GREB1L: variants seen among roughly 807,000 people sequenced by gnomAD.
GREB1L encodes the protein GREB1-like protein.
GREB1L carries 17 observed loss-of-function variants against 200.8 expected under a neutral mutation model. The observed-to-expected ratio is 0.08, with a 90% CI of 0.06 to 0.13. The LOEUF is 0.13. Ranked by LOEUF, GREB1L falls within the 10% of genes least tolerant of loss-of-function variation. The pLI is 1.00. For missense variants in GREB1L, 1,657 were observed against 2,367.7 expected (o/e 0.70, Z 6.23); for synonymous variants, 789 against 893.0 (o/e 0.88, Z 2.08).
chr18:21,246,374 C>G (rs1357947313), intron 1 of GREB1L, among the ~76,000 whole-genome samples: 5 of 152,214 alleles, frequency 3.3e-5, no homozygotes, highest in Non-Finnish European at 5.9e-5. Flanking sequence ...TCTAAAAGGA[C>G]TATATAAATT....
intron 17 of GREB1L, among the ~76,000 whole-genome samples, chr18:21,479,670 C>T (rs1374101712): frequency 1.3e-5 from 2 of 150,644 alleles, no homozygotes; most frequent in Admixed American, 6.6e-5. Flanking sequence ...CATAGCAAGA[C>T]CCTGTCTCAA....
chr18:21,323,007 G>T (rs2144938434), intron 1 of GREB1L, among the ~76,000 whole-genome samples: 1 of 152,148 alleles, frequency 6.6e-6, no homozygotes, highest in South Asian at 2.1e-4. Context: ...TGTATTGGCT[G>T]GGCACAGTGG....
chr18:21,449,620 G>C lies in GREB1L; in HGVS notation c.1504G>C (p.Val502Leu). 1 of 1,551,394 alleles carries C rather than the reference G, an allele frequency of 6.4e-7. No individual in the cohort carries two copies. The highest frequency in any genetic ancestry group is 1.7e-4 in the Middle Eastern group (1 of 5,990). The change falls in exon 12 of 33, where the codon GTG becomes CTG. Residue 502 changes from valine to leucine, a missense_variant. This residue lies in a region of GREB1L where 289 missense variants were observed against 345.1 expected (regional missense o/e 0.84). Coordinates refer to ENST00000424526, the MANE Select transcript of GREB1L (RefSeq NM_001142966.3). ...ALQIGAQCVPVSPGQLPWLAR... is the reference protein window; with the variant it reads ...ALQIGAQCVPLSPGQLPWLAR... ...GCAGATAGGTGCTCAGTGTGTCCCT[G>C]TGTCACCAGGACAACTCCCCTGGCT... is the stretch of plus-strand genomic sequence containing the variant.
intron 5 of GREB1L, among the ~76,000 whole-genome samples, chr18:21,397,540 A>AT (rs1403355337): frequency 0.017 from 2,300 of 139,352 alleles, 63 homozygotes; most frequent in African/African-American, 0.062. Context: ...AAAAAAAAAA[A>AT]AAATAATAAT....
intron 1 of GREB1L, among the ~76,000 whole-genome samples, chr18:21,311,659 C>G (rs1477054957): frequency 6.6e-6 from 1 of 152,114 alleles, no homozygotes; most frequent in African/African-American, 2.4e-5. Flanking sequence ...ACCTAATTTC[C>G]AGAAACAGCT....
intron 11 of GREB1L, among the ~76,000 whole-genome samples, chr18:21,445,451 G>A (rs1165326050): frequency 1.3e-5 from 2 of 151,822 alleles, no homozygotes; most frequent in Admixed American, 6.6e-5. Context: ...TCCAGCTTGG[G>A]CAACAAGAGT....
At chr18:21,271,551 C>A (rs905809059) in intron 1 of GREB1L, among the ~76,000 whole-genome samples, 8 of 148,184 alleles carry the variant, frequency 5.4e-5, no homozygotes, top group African/African-American at 2.0e-4. Flanking sequence ...ACTTGGGAGG[C>A]TGAGGTGGGA....
intron 4 of GREB1L, among the ~76,000 whole-genome samples, chr18:21,394,587 T>C (rs2049107170): frequency 6.6e-6 from 1 of 152,186 alleles, no homozygotes; most frequent in South Asian, 2.1e-4. Flanking sequence ...CATCTTGTCA[T>C]GTCATGTCAT....
intron 1 of GREB1L, among the ~76,000 whole-genome samples, chr18:21,243,623 C>G (rs2037545598): frequency 6.6e-6 from 1 of 152,208 alleles, no homozygotes; most frequent in Non-Finnish European, 1.5e-5. Flanking sequence ...TCTCATTCAT[C>G]TATATATGTT....
chr18:21,298,354 G>T (rs1269131796), intron 1 of GREB1L, among the ~76,000 whole-genome samples: 1 of 151,546 alleles, frequency 6.6e-6, no homozygotes, highest in African/African-American at 2.4e-5. Context: ...TTTTAGTTTC[G>T]ATATTTGAAA....
At chr18:21,420,595 T>G (rs1326030218) in intron 7 of GREB1L, among the ~76,000 whole-genome samples, 1 of 152,190 alleles carries the variant, frequency 6.6e-6, no homozygotes, top group Non-Finnish European at 1.5e-5. Context: ...AACAATGAGA[T>G]ACCAGTATAC....
At chr18:21,361,946 A>G (rs2039586496) in intron 1 of GREB1L, among the ~76,000 whole-genome samples, 1 of 152,152 alleles carries the variant, frequency 6.6e-6, no homozygotes, top group Admixed American at 6.5e-5. Flanking sequence ...TTTTGGATTA[A>G]TAGATTGTGG....
rs1380055990 is a variant in GREB1L, at chr18:21,524,520, G to GTAT, written c.*1701_*1703dup. The GTAT allele has an allele frequency of 3.3e-5, 5 of 152,096 alleles. No individual in the cohort carries two copies. Among genetic ancestry groups the GTAT allele is most frequent in the African/African-American group, 1.2e-4 (5 of 41,416 alleles). The allele number at this position is 152,096 out of a possible 1,614,324, so 9.4% of individuals were successfully genotyped here. On this transcript the variant is annotated 3_prime_UTR_variant, in exon 33 of 33. Coordinates refer to ENST00000424526, the MANE Select transcript of GREB1L (RefSeq NM_001142966.3). ...GAAGCAATTTGGTTTAAATATGAATGTATTTCACTTGTTCCTGTTTTGTTG... is the reference window on the plus strand; with the variant it reads ...GAAGCAATTTGGTTTAAATATGAATGTATTATTTCACTTGTTCCTGTTTTGTTG...
intron 1 of GREB1L, among the ~76,000 whole-genome samples, chr18:21,340,242 C>T (rs1344222126): frequency 4.6e-5 from 7 of 152,024 alleles, no homozygotes; most frequent in Admixed American, 3.9e-4. Flanking sequence ...ATGGTAAAAC[C>T]CTGTCTCTAC....
At chr18:21,337,632 T>C (rs1455477299) in intron 1 of GREB1L, among the ~76,000 whole-genome samples, 1 of 152,198 alleles carries the variant, frequency 6.6e-6, no homozygotes, top group Non-Finnish European at 1.5e-5. Context: ...AAGGAGGAGA[T>C]AGAAGCACAG....
chr18:21,360,407 G>A (rs564803220), intron 1 of GREB1L, among the ~76,000 whole-genome samples: 1 of 151,774 alleles, frequency 6.6e-6, no homozygotes, highest in Non-Finnish European at 1.5e-5. Context: ...TGTATTTTTA[G>A]TAGAGATGGC....
intron 25 of GREB1L, 36 bp from the exon 26 acceptor site, chr18:21,508,078 GCTTA>G (rs1363066999): frequency 6.5e-7 from 1 of 1,539,608 alleles, no homozygotes; most frequent in East Asian, 2.4e-5. Flanking sequence ...GAAACTGTGG[GCTTA>G]CTTACGTTCC....
At chr18:21,311,640 C>G (rs1369582544) in intron 1 of GREB1L, among the ~76,000 whole-genome samples, 2 of 152,158 alleles carry the variant, frequency 1.3e-5, no homozygotes, top group Admixed American at 6.6e-5. Context: ...CTATGCGCTG[C>G]AGGATACCAC....
chr18:21,439,652 G>A lies in GREB1L; in HGVS notation c.949+15G>A, dbSNP rs760711686. On this transcript the variant is annotated intron_variant, in intron 8 of 32. Transcript: ENST00000424526. Reference sequence around the variant, plus strand: ...AGGAGATCAAGGTACAATGCCTGTCGTAGAGTTTTGTAATAATGCACTTAC... The same window carrying A: ...AGGAGATCAAGGTACAATGCCTGTCATAGAGTTTTGTAATAATGCACTTAC... 1.5e-5 allele frequency: 22 copies of A among 1,439,754 alleles called. No homozygotes were observed. Among genetic ancestry groups the A allele is most frequent in the Non-Finnish European group, 1.7e-5 (18 of 1,044,216 alleles). 89.2% of individuals were successfully genotyped at this position (1,439,754 alleles called of 1,614,324 possible). A position where few individuals can be genotyped will look rare whatever the true frequency, so the allele number is the denominator to read the frequency against.
Sources: allele counts gnomAD v4.1 joint callset (sites outside exome capture counted in the v4.1 genomes callset), GRCh38; gene constraint gnomAD v4.1.1; regional missense constraint gnomAD v4.1.1; transcripts MANE v1.5; gene names NCBI Gene and HGNC (gene_info 2026-07-23, HGNC 2026-07-21).